The following MYO5C variants were observed in gnomAD, a reference collection of about 807,000 sequenced individuals.
MYO5C encodes unconventional myosin-Vc.
In MYO5C, 194 loss-of-function variants were observed where a neutral mutation model predicts 235.7. The ratio of observed to expected loss-of-function variants is 0.82; its 90% confidence interval spans 0.73 to 0.93. MYO5C has a LOEUF of 0.93. Ranked by LOEUF, MYO5C falls within the 40% of genes least tolerant of loss-of-function variation. MYO5C has a pLI of 0.00. For synonymous variants in MYO5C, 707 were observed against 754.8 expected (o/e 0.94, Z 1.04); for missense variants, 2,038 against 2,127.2 (o/e 0.96, Z 0.82).
At chr15:52,277,651 C>T (rs184052318) in intron 4 of MYO5C, among the ~76,000 whole-genome samples, 13 of 152,238 alleles carry the variant, frequency 8.5e-5, no homozygotes, top group Admixed American at 8.5e-4. Context: ...GAGGGCCATA[C>T]CCTTCCCCTC....
At chr15:52,229,350 C>G in intron 24 of MYO5C, 37 bp from the exon 25 acceptor site, 1 of 1,596,140 alleles carries the variant, frequency 6.3e-7, no homozygotes, top group Non-Finnish European at 8.5e-7. Flanking sequence ...TAGAGCTGAG[C>G]ATGGTGGCTG....
chr15:52,261,031 A>G lies in MYO5C; in HGVS notation c.1144T>C (p.Ser382Pro), dbSNP rs1396443612. Residue 382 changes from serine to proline, a missense_variant, in exon 10 of 41, where the codon TCT becomes CCT. Coordinates refer to ENST00000261839, the MANE Select transcript of MYO5C (RefSeq NM_018728.4). ...WLCNRKIVTSSETVVKPMTRP... is the reference protein window; with the variant it reads ...WLCNRKIVTSPETVVKPMTRP... ...GTCATGGGTTTTACCACCGTCTCAG[A>G]GCTTGTGACGATTTTGCGATTGCAC... The G allele has an allele frequency of 6.2e-7, 1 of 1,614,066 alleles. No homozygotes were observed. Among genetic ancestry groups the G allele is most frequent in the Non-Finnish European group, 8.5e-7 (1 of 1,180,038 alleles).
Position 52,247,013 on chromosome 15 carries a change from A to T in MYO5C, c.1883T>A (p.Phe628Tyr). The T allele has an allele frequency of 6.2e-7, 1 of 1,611,140 alleles. No homozygotes were observed. The highest frequency in any genetic ancestry group is 8.5e-7 in the Non-Finnish European group (1 of 1,178,666). The change falls in exon 16 of 41, where the codon TTC becomes TAC. Residue 628 changes from phenylalanine (F) to tyrosine (Y), a missense_variant and splice_region_variant. By Grantham distance (22) the Phe-to-Tyr change is conservative (BLOSUM62 3). Transcript: ENST00000261839. ...CATGAGCAAGTACAGAGAGCTGCGGAACTAGGAAACAAAGCTAGAGATCAA... is the reference window on the plus strand; with the variant it reads ...CATGAGCAAGTACAGAGAGCTGCGGTACTAGGAAACAAAGCTAGAGATCAA... ...KHFRTTVGSK[F>Y]RSSLYLLMET...
intron 24 of MYO5C, 86 bp from the exon 25 acceptor site, chr15:52,229,399 C>T (rs1165561815): frequency 2.3e-5 from 30 of 1,298,516 alleles, no homozygotes; most frequent in Non-Finnish European, 2.9e-5. Context: ...CCAAGGCAGG[C>T]GGATCCCTTG....
At chr15:52,228,086 G>A (rs978604358) in intron 25 of MYO5C, among the ~76,000 whole-genome samples, 4 of 152,024 alleles carry the variant, frequency 2.6e-5, no homozygotes, top group Non-Finnish European at 5.9e-5. Context: ...TTTTTCTCTA[G>A]AGCATTTTAT....
intron 39 of MYO5C, 75 bp from the exon 40 acceptor site, chr15:52,195,532 T>A: frequency 1.1e-6 from 1 of 917,274 alleles, no homozygotes; most frequent in Non-Finnish European, 1.6e-6. Context: ...GTTCTGGTTA[T>A]TGGGAACCAT....
At chr15:52,211,253 T>C (rs915697603) in intron 35 of MYO5C, among the ~76,000 whole-genome samples, 1 of 152,238 alleles carries the variant, frequency 6.6e-6, no homozygotes, top group Non-Finnish European at 1.5e-5. Context: ...GGCAGGTGTC[T>C]CATAGCTACA....
In MYO5C at chr15:52,251,416, A is replaced by T; in HGVS notation, c.1636T>A (p.Phe546Ile). 6.3e-7 allele frequency: 1 copy of T among 1,597,300 alleles called. No individual in the cohort carries two copies. Among genetic ancestry groups the T allele is most frequent in the Non-Finnish European group, 8.5e-7 (1 of 1,170,386 alleles). ...TTATCAGCAAAGTGCTGGATGACAA[A>T]GGATGTGTTTGACATTCTAGGCTTT... is the stretch of plus-strand genomic sequence containing the variant. ...FEKPRMSNTSFVIQHFADKVE... is the reference protein window; with the variant it reads ...FEKPRMSNTSIVIQHFADKVE... Residue 546 changes from phenylalanine to isoleucine, a missense_variant, in exon 13 of 41, where the codon TTT (phenylalanine) becomes ATT (isoleucine). Transcript: ENST00000261839.
chr15:52,237,743 G>A (rs1231207033), intron 21 of MYO5C, 97 bp from the exon 22 acceptor site: 1 of 1,250,648 alleles, frequency 8.0e-7, no homozygotes, highest in East Asian at 2.3e-5. Flanking sequence ...CCAAATTTGA[G>A]AGGTTGCTTT....
intron 10 of MYO5C, among the ~76,000 whole-genome samples, chr15:52,259,988 T>C (rs917897231): frequency 6.6e-6 from 1 of 152,230 alleles, no homozygotes; most frequent in African/African-American, 2.4e-5. Flanking sequence ...AGGATGCCTT[T>C]CATGGGTCAA....
intron 4 of MYO5C, among the ~76,000 whole-genome samples, chr15:52,277,365 GAT>G (rs1238921144): frequency 2.6e-5 from 4 of 151,954 alleles, no homozygotes; most frequent in African/African-American, 9.7e-5. Context: ...TAATCACCAC[GAT>G]ACCTGGGAGA....
chr15:52,259,876 C>T (rs1040644171), intron 10 of MYO5C, among the ~76,000 whole-genome samples: 2 of 152,246 alleles, frequency 1.3e-5, no homozygotes, highest in Admixed American at 6.5e-5. Context: ...GCAGCAGGGC[C>T]GTGAAGGCCA....
rs188722769 is a variant in MYO5C, at chr15:52,252,418, C to T, written c.1536+899G>A. 1.5e-3 allele frequency among the ~76,000 whole-genome samples: 230 copies of T among 151,720 alleles called. 2 individuals are homozygous for T. Among genetic ancestry groups the T allele is most frequent in the African/African-American group, 5.2e-3 (215 of 41,390 alleles). On this transcript the variant is annotated intron_variant, in intron 12 of 40. Transcript: ENST00000261839. ...ATACCTCCTTGTACTAAGCTAGTTG[C>T]GAAATTTGATCTTGATACATGTGAT...
rs535996084 is a variant in MYO5C, at chr15:52,248,681, C to A, written c.1746+19G>T. 3.8e-6 allele frequency: 6 copies of A among 1,572,840 alleles called. No individual in the cohort carries two copies. In the African/African-American group the frequency reaches 5.4e-5, roughly 14 times the overall value. ...GTCAATTATATAATAACTTTAGTTA[C>A]CCCTAGGACTTTACAGACCTTGCTT... is the stretch of plus-strand genomic sequence containing the variant. On this transcript the variant is annotated intron_variant, in intron 14 of 40. Coordinates refer to ENST00000261839, the MANE Select transcript of MYO5C (RefSeq NM_018728.4).
intron 28 of MYO5C, 127 bp from the exon 29 acceptor site, chr15:52,223,851 C>T: frequency 1.4e-6 from 1 of 736,932 alleles, no homozygotes; most frequent in Non-Finnish European, 2.1e-6. Flanking sequence ...CTTATGCACT[C>T]ACGGTTACAG....
At chr15:52,212,905 C>T (rs2035478496) in intron 34 of MYO5C, among the ~76,000 whole-genome samples, 1 of 152,172 alleles carries the variant, frequency 6.6e-6, no homozygotes, top group African/African-American at 2.4e-5. Context: ...TTTTGGCCCC[C>T]ACAGGACATT....
chr15:52,218,556 A>C lies in MYO5C; in HGVS notation c.3917T>G (p.Phe1306Cys), dbSNP rs376449401. 2.5e-6 allele frequency: 4 copies of C among 1,614,124 alleles called. No homozygotes were observed. Among genetic ancestry groups the C allele is most frequent in the Middle Eastern group, 1.6e-4 (1 of 6,084 alleles). The change falls in exon 32 of 41, where the codon TTC (phenylalanine) becomes TGC (cysteine). Residue 1306 changes from phenylalanine (F) to cysteine (C), a missense_variant. Phe to Cys is a radical substitution (Grantham distance 205). Coordinates refer to ENST00000261839, the MANE Select transcript of MYO5C (RefSeq NM_018728.4). ...AGTGAGCCGGGATGCTTCCTGCCGGAAGTTACACTTGACTTCACTTTCAGT... is the reference window on the plus strand; with the variant it reads ...AGTGAGCCGGGATGCTTCCTGCCGGCAGTTACACTTGACTTCACTTTCAGT... ...FETESEVKCN[F>C]RQEASRLTLE...
intron 11 of MYO5C, 21 bp downstream of exon 11, chr15:52,256,618 G>C: frequency 7.0e-7 from 1 of 1,433,888 alleles, no homozygotes; most frequent in African/African-American, 1.6e-5. Flanking sequence ...AACTAGTCAA[G>C]AAGGCAGAAA....
chr15:52,254,649 G>A (rs1168025188), intron 11 of MYO5C, among the ~76,000 whole-genome samples: 6 of 151,456 alleles, frequency 4.0e-5, no homozygotes, highest in Admixed American at 6.6e-5. Flanking sequence ...AAGGAGAAGA[G>A]GAAAAAGGAA....
Sources: gnomAD v4.1 joint callset for allele counts (sites outside exome capture counted in the v4.1 genomes callset) on GRCh38, gnomAD v4.1.1 for gene constraint, MANE v1.5 for transcripts, NCBI Gene and HGNC (gene_info 2026-07-23, HGNC 2026-07-21) for gene names.